PRSS3: variants seen among roughly 807,000 people sequenced by gnomAD.
PRSS3 encodes the protein serine protease 3, also known as trypsin-3.
In PRSS3, 14 loss-of-function variants were observed where a neutral mutation model predicts 20.8. The observed-to-expected ratio is 0.67, with a 90% CI of 0.44 to 1.05. The LOEUF (loss-of-function observed/expected upper bound fraction) is 1.05, where lower values mean the gene tolerates loss of function less well. Ranked by LOEUF, PRSS3 falls within the 50% of genes least tolerant of loss-of-function variation. The probability of loss-of-function intolerance (pLI) is 0.00; values close to 1 mark genes in which losing one functional copy is unlikely to be tolerated. For missense variants in PRSS3, 237 were observed against 306.4 expected, an observed-to-expected ratio of 0.77 and a Z score of 1.69; for synonymous variants, 91 against 117.6, an observed-to-expected ratio of 0.77 and a Z score of 1.46.
At chr9:33,754,319 C>T (rs75870329) in intron 1 of PRSS3, among the ~76,000 whole-genome samples, 23,527 of 151,734 alleles carry the variant, frequency 0.16, 2,119 homozygotes, top group South Asian at 0.3. Context: ...ATCTGCCCCC[C>T]TCGGCCTCCC....
chr9:33,766,289 A>AT (rs1263152118), intron 1 of PRSS3, among the ~76,000 whole-genome samples: 10 of 137,450 alleles, frequency 7.3e-5, no homozygotes, highest in African/African-American at 2.6e-4. Context: ...AAAAAAAAAA[A>AT]GGAGCCGGGG....
chr9:33,785,934 A>C (rs1383904269), intron 1 of PRSS3: 1 of 174,206 alleles, frequency 5.7e-6, no homozygotes, highest in Admixed American at 6.1e-5. Flanking sequence ...CTCTACACCC[A>C]GACAGTAGCA....
In PRSS3 at chr9:33,750,946, G is replaced by T; in HGVS notation, c.-53+219G>T. On this transcript the variant is annotated intron_variant, in intron 1 of 5. Transcript: ENST00000342836. This position sits in a 1 kb window ranked among gnomAD's most constrained non-coding sequence, Gnocchi z 4.8. ...AGGACGGGAGGGGATGGAGGGCCCT[G>T]GTGTCGCAGAAGCCCACCTGGGGCC... 1.5e-5 allele frequency: 18 copies of T among 1,180,212 alleles called. No homozygotes were observed. Among genetic ancestry groups the T allele is most frequent in the Non-Finnish European group, 2.0e-5 (18 of 920,638 alleles). The allele number at this position is 1,180,212 out of a possible 1,614,324, so 73.1% of individuals were successfully genotyped here. A position where few individuals can be genotyped will look rare whatever the true frequency, so the allele number is the denominator to read the frequency against.
Position 33,780,200 on chromosome 9 carries a change from A to G in PRSS3, c.-52-14546A>G, listed in dbSNP as rs1294281025. Among the ~76,000 whole-genome samples the G allele has an allele frequency of 4.6e-5, 7 of 152,198 alleles. No homozygotes were observed. In the East Asian group the frequency reaches 1.3e-3, roughly 29 times the overall value. ...TCAAGTCACATACAGAGGAAACCCC[A>G]TCAGGCTAGCCACAGACTTCTCAGC... On this transcript the variant is annotated intron_variant, in intron 1 of 5. Coordinates refer to the PRSS3 transcript ENST00000342836.
chr9:33,784,474 G>C (rs1824304676), intron 1 of PRSS3, among the ~76,000 whole-genome samples: 1 of 152,152 alleles, frequency 6.6e-6, no homozygotes, highest in African/African-American at 2.4e-5. Flanking sequence ...AGATGTAAAG[G>C]CTTCACACAC....
At chr9:33,766,120 C>A (rs1823398937) in intron 1 of PRSS3, among the ~76,000 whole-genome samples, 4 of 151,794 alleles carry the variant, frequency 2.6e-5, no homozygotes, top group African/African-American at 9.7e-5. Context: ...TAAAAATTAA[C>A]CAGGCATACT....
At chr9:33,793,322 C>T (rs1483200537), upstream of PRSS3, among the ~76,000 whole-genome samples, 1 of 150,682 alleles carries the variant, frequency 6.6e-6, no homozygotes, top group African/African-American at 2.5e-5. Flanking sequence ...TTTCCTTATC[C>T]TCTAAGGCAG....
At chr9:33,753,810 C>G (rs370037580) in intron 1 of PRSS3, among the ~76,000 whole-genome samples, 1 of 152,186 alleles carries the variant, frequency 6.6e-6, no homozygotes, top group Non-Finnish European at 1.5e-5. Flanking sequence ...CCTACTACAA[C>G]GGCTTAAACA....
At chr9:33,772,613 C>T (rs10758230) in intron 1 of PRSS3, among the ~76,000 whole-genome samples, 52,906 of 151,888 alleles carry the variant, frequency 0.35, 9,409 homozygotes, top group East Asian at 0.54. Context: ...TCTTGCTTGT[C>T]TCGCCAACAT....
upstream of PRSS3, among the ~76,000 whole-genome samples, chr9:33,794,420 G>C (rs1824799812): frequency 6.6e-6 from 1 of 152,154 alleles, no homozygotes; most frequent in African/African-American, 2.4e-5. Context: ...TTGTGCCTCA[G>C]TCAATTACAC....
chr9:33,766,367 A>G, intron 1 of PRSS3, among the ~76,000 whole-genome samples: 1 of 151,720 alleles, frequency 6.6e-6, no homozygotes, highest in Middle Eastern at 3.2e-3. Context: ...AGGTCAGGAA[A>G]TCAAGACCAT....
upstream of PRSS3, chr9:33,795,498 C>G: frequency 1.3e-6 from 2 of 1,593,752 alleles, no homozygotes; most frequent in Non-Finnish European, 1.7e-6. Flanking sequence ...CCTCACCTCA[C>G]AGACACCTCC....
At chr9:33,787,000 T>A (rs1394289718) in intron 1 of PRSS3, among the ~76,000 whole-genome samples, 1 of 152,098 alleles carries the variant, frequency 6.6e-6, no homozygotes, top group Non-Finnish European at 1.5e-5. Flanking sequence ...TATGAATGGA[T>A]AGACTGGGGA....
At chr9:33,777,552 AATT>A (rs1823989878) in intron 1 of PRSS3, among the ~76,000 whole-genome samples, 1 of 149,628 alleles carries the variant, frequency 6.7e-6, no homozygotes, top group East Asian at 2.0e-4. Context: ...AAAAAAAAAA[AATT>A]AGCCGGGCGA....
chr9:33,768,722 G>T (rs1823555940), intron 1 of PRSS3, among the ~76,000 whole-genome samples: 1 of 151,968 alleles, frequency 6.6e-6, no homozygotes, highest in South Asian at 2.1e-4. Flanking sequence ...CAGGTGTGGT[G>T]GCATGCACCT....
chr9:33,781,335 C>G (rs1824175870), intron 1 of PRSS3, among the ~76,000 whole-genome samples: 1 of 152,214 alleles, frequency 6.6e-6, no homozygotes, highest in African/African-American at 2.4e-5. Flanking sequence ...CTATGGAATA[C>G]TACACAGCCC....
upstream of PRSS3, among the ~76,000 whole-genome samples, chr9:33,791,259 C>A (rs1182017090): frequency 2.0e-5 from 3 of 152,206 alleles, no homozygotes; most frequent in Admixed American, 1.3e-4. Context: ...AGAACCTGCT[C>A]AAACACAGTG....
In PRSS3 at chr9:33,795,596, C is replaced by A. The variant is rs763451062; in HGVS notation, c.23C>A (p.Ala8Asp). 4 of 1,614,250 alleles carry A rather than the reference C, an allele frequency of 2.5e-6. No individual in the cohort carries two copies. The highest frequency in any genetic ancestry group is 3.4e-6 in the Non-Finnish European group (4 of 1,180,046). MNPFLIL[A>D]FVGAAVAVPF... ...ACCATGAATCCATTCCTGATCCTTG[C>A]CTTTGTGGGAGCTGCTGGCGAGTTT... The change falls in exon 1 of 5, where the codon GCC becomes GAC. Residue 8 changes from alanine (A) to aspartate (D), a missense_variant. Physicochemically the swap from Ala to Asp is moderately radical, Grantham distance 126 (BLOSUM62 -2). Coordinates refer to ENST00000379405, the MANE Select transcript of PRSS3 (RefSeq NM_002771.4).
At chr9:33,794,497 T>C (rs2119097204), upstream of PRSS3, among the ~76,000 whole-genome samples, 1 of 152,360 alleles carries the variant, frequency 6.6e-6, no homozygotes, top group South Asian at 2.1e-4. Context: ...CACTTGATAC[T>C]AAGCCCAGCA....
Sources: gnomAD v4.1 joint callset for allele counts (sites outside exome capture counted in the v4.1 genomes callset) on GRCh38, gnomAD v4.1.1 for gene constraint, Gnocchi (gnomAD v3.1) non-coding constraint, MANE v1.5 for transcripts, NCBI Gene and HGNC (gene_info 2026-07-23, HGNC 2026-07-21) for gene names.